Variants in EPB41L4A observed in about 807,000 individuals in gnomAD.
EPB41L4A encodes band 4.1-like protein 4A.
EPB41L4A carries 100 observed loss-of-function variants against 108.6 expected under a neutral mutation model. That is an observed-to-expected ratio of 0.92 (90% confidence interval 0.78 to 1.09). EPB41L4A has a LOEUF of 1.09. Among genes scored for constraint, EPB41L4A ranks in the 50% least tolerant of loss-of-function variants. EPB41L4A has a pLI of 0.00. For missense variants in EPB41L4A, 1,030 were observed against 842.7 expected (o/e 1.22, Z -2.75); for synonymous variants, 319 against 289.0 (o/e 1.10, Z -1.05).
intron 2 of EPB41L4A, among the ~76,000 whole-genome samples, chr5:112,289,053 C>A (rs529892548): frequency 6.6e-6 from 1 of 152,156 alleles, no homozygotes; most frequent in South Asian, 2.1e-4. Context: ...TAAAACATGT[C>A]TTTAAATTAG....
At chr5:112,200,731 GA>G (rs1762178923) in intron 15 of EPB41L4A, among the ~76,000 whole-genome samples, 1 of 152,098 alleles carries the variant, frequency 6.6e-6, no homozygotes, top group Non-Finnish European at 1.5e-5. Context: ...CATAAATTTT[GA>G]AAATTATATG....
intron 1 of EPB41L4A, among the ~76,000 whole-genome samples, chr5:112,382,784 G>A (rs1760256110): frequency 6.6e-6 from 1 of 152,136 alleles, no homozygotes; most frequent in African/African-American, 2.4e-5. Flanking sequence ...ATACCCAGTT[G>A]TGGAATTTTC....
At chr5:112,331,726 T>A (rs1029700012) in intron 1 of EPB41L4A, among the ~76,000 whole-genome samples, 8 of 152,156 alleles carry the variant, frequency 5.3e-5, no homozygotes. Flanking sequence ...GTCCAGCTGA[T>A]GGAGTTGGGA....
At chr5:112,354,123 A>C (rs1354626099) in intron 1 of EPB41L4A, among the ~76,000 whole-genome samples, 1 of 152,252 alleles carries the variant, frequency 6.6e-6, no homozygotes, top group Non-Finnish European at 1.5e-5. Flanking sequence ...AAAGATAGTA[A>C]GAGTACTAAC....
chr5:112,342,605 C>A (rs116785026), intron 1 of EPB41L4A, among the ~76,000 whole-genome samples: 1,651 of 152,230 alleles, frequency 0.011, 34 homozygotes, highest in African/African-American at 0.037. Context: ...GTCTATTGTT[C>A]CTAGTCGAGC....
At chr5:112,327,464 C>G (rs1272362161) in intron 1 of EPB41L4A, among the ~76,000 whole-genome samples, 1 of 152,066 alleles carries the variant, frequency 6.6e-6, no homozygotes, top group East Asian at 1.9e-4. Flanking sequence ...ACCTGTAATC[C>G]CAGCACTTTG....
At chr5:112,338,166 T>C (rs910843156) in intron 1 of EPB41L4A, among the ~76,000 whole-genome samples, 10 of 152,190 alleles carry the variant, frequency 6.6e-5, no homozygotes, top group African/African-American at 2.4e-4. Flanking sequence ...GTGAAATTCC[T>C]CTGGCATGAC....
At chr5:112,398,246 A>T (rs1761499299) in intron 1 of EPB41L4A, among the ~76,000 whole-genome samples, 1 of 152,202 alleles carries the variant, frequency 6.6e-6, no homozygotes, top group African/African-American at 2.4e-5. Flanking sequence ...AACACAAGGG[A>T]AATTTTTTCT....
intron 1 of EPB41L4A, among the ~76,000 whole-genome samples, chr5:112,361,320 GC>G (rs1758740600): frequency 6.6e-6 from 1 of 152,222 alleles, no homozygotes; most frequent in South Asian, 2.1e-4. Flanking sequence ...CTTGAAGGCA[GC>G]ATGCTCGTTA....
rs1580599104 is a variant in EPB41L4A at position 112,280,322 on chromosome 5, T to C, written c.206A>G (p.Tyr69Cys). The C allele has an allele frequency of 2.5e-6, 4 of 1,613,750 alleles. No individual in the cohort carries two copies. The highest frequency in any genetic ancestry group is 2.2e-5 in the East Asian group (1 of 44,866). The change falls in exon 3 of 23, where the codon TAT becomes TGT. Residue 69 changes from tyrosine to cysteine, a missense_variant and splice_region_variant. Physicochemically the swap from Tyr to Cys is radical, Grantham distance 194. Coordinates refer to ENST00000261486, the MANE Select transcript of EPB41L4A (RefSeq NM_022140.5). ...AAGGGTTTTTGCAGGATCCAGCCAA[T>C]ACTGTGTGAGGAAGAAAAGGACAAT... ...LRYCDRSHQT[Y>C]WLDPAKTLAE...
intron 1 of EPB41L4A, among the ~76,000 whole-genome samples, chr5:112,413,720 G>A (rs567380121): frequency 1.3e-5 from 2 of 152,342 alleles, no homozygotes; most frequent in African/African-American, 4.8e-5. Flanking sequence ...CGATAAGTAT[G>A]TGTTTATGGA....
chr5:112,410,361 A>G (rs1762337100), intron 1 of EPB41L4A, among the ~76,000 whole-genome samples: 1 of 152,210 alleles, frequency 6.6e-6, no homozygotes, highest in Non-Finnish European at 1.5e-5. Flanking sequence ...AGGAGGCAAG[A>G]AAGAGCACTC....
At position 112,163,144 on chromosome 5, in the gene EPB41L4A, G is replaced by A. The variant is rs974470219; in HGVS notation, c.*1846C>T. On this transcript the variant is annotated 3_prime_UTR_variant, in exon 23 of 23. Transcript: ENST00000261486. The stretch of plus-strand genomic sequence containing the variant: ...GAACTAGGTTGCTTATTGTTGTCTA[G>A]ACAAGAGACCAGCTTGGACTAGTAA... 17 of 152,202 alleles carry A rather than the reference G, an allele frequency of 1.1e-4. 1 individual carries two copies. The highest frequency in any genetic ancestry group is 4.6e-4 in the Admixed American group (7 of 15,286). The allele number at this position is 152,202 out of a possible 1,614,324, so 9.4% of individuals were successfully genotyped here. A position where few individuals can be genotyped will look rare whatever the true frequency, so the allele number is the denominator to read the frequency against.
At chr5:112,148,395 A>C (rs1369411500) in intron 12 of EPB41L4A, among the ~76,000 whole-genome samples, 1 of 151,654 alleles carries the variant, frequency 6.6e-6, no homozygotes, top group Non-Finnish European at 1.5e-5. Context: ...AATTACATTT[A>C]TTATAAGAAT....
At chr5:112,311,017 T>C (rs1755014306) in intron 1 of EPB41L4A, among the ~76,000 whole-genome samples, 1 of 152,186 alleles carries the variant, frequency 6.6e-6, no homozygotes, top group African/African-American at 2.4e-5. Flanking sequence ...TCCAGCATTC[T>C]TATCTTTTTC....
chr5:112,179,527 A>T (rs1192230298), intron 18 of EPB41L4A, among the ~76,000 whole-genome samples: 2 of 152,164 alleles, frequency 1.3e-5, no homozygotes, highest in Non-Finnish European at 2.9e-5. Context: ...GTGTCATTCA[A>T]AATTGAATCC....
At chr5:112,317,294 T>C (rs1755491803) in intron 1 of EPB41L4A, among the ~76,000 whole-genome samples, 1 of 152,252 alleles carries the variant, frequency 6.6e-6, no homozygotes, top group African/African-American at 2.4e-5. Context: ...TAAAAAGAAC[T>C]ATGCTAGATG....
chr5:112,364,518 G>A (rs1245629109), intron 1 of EPB41L4A, among the ~76,000 whole-genome samples: 2 of 152,150 alleles, frequency 1.3e-5, no homozygotes, highest in Non-Finnish European at 2.9e-5. Context: ...CATTTTCACT[G>A]GAAGTAAGAT....
chr5:112,398,762 T>C (rs554678646), intron 1 of EPB41L4A, among the ~76,000 whole-genome samples: 1 of 152,158 alleles, frequency 6.6e-6, no homozygotes, highest in African/African-American at 2.4e-5. Context: ...AGGTATCAGA[T>C]CAGCTAGCCC....
Sources: allele counts gnomAD v4.1 joint callset (sites outside exome capture counted in the v4.1 genomes callset), GRCh38; gene constraint gnomAD v4.1.1; transcripts MANE v1.5; gene names NCBI Gene and HGNC (gene_info 2026-07-23, HGNC 2026-07-21).